LRMDA: variants seen among roughly 807,000 people sequenced by gnomAD.
LRMDA encodes leucine rich melanocyte differentiation associated.
Under a neutral mutation model 29.8 loss-of-function variants are expected in LRMDA, and 18 were observed. That is an observed-to-expected ratio of 0.60 (90% CI 0.42 to 0.90). LRMDA has a LOEUF of 0.90. Among genes scored for constraint, LRMDA ranks in the 40% least tolerant of loss-of-function variants. The pLI is 0.00. For synonymous variants in LRMDA, 125 were observed against 109.4 expected (o/e 1.14, Z -0.89); for missense variants, 273 against 273.9 (o/e 1.00, Z 0.02).
chr10:75,593,049 G>A (rs1244869245), intron 2 of LRMDA, among the ~76,000 whole-genome samples: 2 of 152,092 alleles, frequency 1.3e-5, no homozygotes, highest in Admixed American at 6.5e-5. Context: ...AAGCCGGCCA[G>A]TTGAGCACTT....
chr10:76,201,095 TTATTTATTTATTTATA>T (rs1279899778), intron 5 of LRMDA, among the ~76,000 whole-genome samples: 2,706 of 131,914 alleles, frequency 0.021, 83 homozygotes, highest in African/African-American at 0.082. Context: ...ATTTATTTAT[TTATTTATTTATTTATA>T]TTTAGACGGA....
chr10:76,348,648 T>C (rs544990661), intron 6 of LRMDA, among the ~76,000 whole-genome samples: 9 of 152,156 alleles, frequency 5.9e-5, no homozygotes, highest in African/African-American at 2.2e-4. Flanking sequence ...CAGCCACAAA[T>C]GTCTTGCCAT....
intron 5 of LRMDA, among the ~76,000 whole-genome samples, chr10:76,238,071 A>G (rs973422781): frequency 6.6e-6 from 1 of 152,108 alleles, no homozygotes; most frequent in South Asian, 2.1e-4. Flanking sequence ...GATTATAGGC[A>G]TGAGCCACGG....
At chr10:76,455,359 C>T (rs1195210553) in intron 6 of LRMDA, among the ~76,000 whole-genome samples, 1 of 152,146 alleles carries the variant, frequency 6.6e-6, no homozygotes, top group Non-Finnish European at 1.5e-5. Flanking sequence ...TCCCCAAGAC[C>T]AAAATAAGTG....
At chr10:75,576,190 C>T (rs1840504049) in intron 2 of LRMDA, among the ~76,000 whole-genome samples, 2 of 152,188 alleles carry the variant, frequency 1.3e-5, no homozygotes, top group African/African-American at 4.8e-5. Context: ...GGAGGAGGGG[C>T]ATCCACCATT....
At chr10:75,784,025 G>T (rs1843429082) in intron 2 of LRMDA, among the ~76,000 whole-genome samples, 1 of 152,218 alleles carries the variant, frequency 6.6e-6, no homozygotes, top group South Asian at 2.1e-4. Context: ...GAGGTGGAAG[G>T]AATGGGAGAG....
At chr10:75,593,696 A>G (rs1840750313) in intron 2 of LRMDA, among the ~76,000 whole-genome samples, 1 of 152,276 alleles carries the variant, frequency 6.6e-6, no homozygotes, top group Non-Finnish European at 1.5e-5. Context: ...TACAAATAAC[A>G]TGGCTTGTCC....
intron 6 of LRMDA, among the ~76,000 whole-genome samples, chr10:76,478,908 G>T (rs575089236): frequency 1.3e-5 from 2 of 148,430 alleles, no homozygotes; most frequent in Non-Finnish European, 1.5e-5. Context: ...GGGGTGTGGG[G>T]GAGGGGGGAG....
At chr10:76,052,326 T>C (rs1245686822) in intron 4 of LRMDA, among the ~76,000 whole-genome samples, 1 of 152,206 alleles carries the variant, frequency 6.6e-6, no homozygotes, top group African/African-American at 2.4e-5. Context: ...ACTTCTTGAA[T>C]AGAGTGTCAG....
At chr10:75,566,775 G>C (rs543118270) in intron 2 of LRMDA, among the ~76,000 whole-genome samples, 1 of 152,196 alleles carries the variant, frequency 6.6e-6, no homozygotes, top group Non-Finnish European at 1.5e-5. Flanking sequence ...CCAAGGTCCA[G>C]TTCCACTGTT....
intron 2 of LRMDA, among the ~76,000 whole-genome samples, chr10:75,746,139 A>G (rs1235684370): frequency 2.0e-5 from 3 of 152,226 alleles, no homozygotes; most frequent in African/African-American, 7.2e-5. Flanking sequence ...GAGCAGGAGC[A>G]GGCTTGGTAC....
At chr10:76,148,662 T>A (rs1850379114) in intron 5 of LRMDA, among the ~76,000 whole-genome samples, 1 of 152,194 alleles carries the variant, frequency 6.6e-6, no homozygotes, top group Admixed American at 6.5e-5. Context: ...TGCCTTCCCC[T>A]GCTACTGCTC....
intron 5 of LRMDA, among the ~76,000 whole-genome samples, chr10:76,079,329 T>C (rs1849013333): frequency 6.6e-6 from 1 of 152,196 alleles, no homozygotes; most frequent in African/African-American, 2.4e-5. Context: ...GGAAGAATGA[T>C]AGAGAGTTGG....
intron 2 of LRMDA, among the ~76,000 whole-genome samples, chr10:75,959,693 T>C (rs967249661): frequency 2.6e-5 from 4 of 152,164 alleles, no homozygotes; most frequent in Admixed American, 2.0e-4. Flanking sequence ...ACTGTACCTA[T>C]ATGCACACAC....
At chr10:76,297,038 G>C (rs1042205022) in intron 5 of LRMDA, among the ~76,000 whole-genome samples, 2 of 152,182 alleles carry the variant, frequency 1.3e-5, no homozygotes, top group African/African-American at 4.8e-5. Context: ...TCAGTCCAGT[G>C]CTCCTATCAC....
At chr10:75,562,282 G>C (rs1442233987) in intron 2 of LRMDA, among the ~76,000 whole-genome samples, 2 of 152,118 alleles carry the variant, frequency 1.3e-5, no homozygotes, top group Non-Finnish European at 2.9e-5. Context: ...TTACCATTAT[G>C]TAATGGCCTT....
At chr10:76,434,847 A>G (rs1030126202) in intron 6 of LRMDA, among the ~76,000 whole-genome samples, 1 of 152,180 alleles carries the variant, frequency 6.6e-6, no homozygotes, top group African/African-American at 2.4e-5. Flanking sequence ...ACTGCCACCC[A>G]ACCATTAAGT....
intron 2 of LRMDA, among the ~76,000 whole-genome samples, chr10:75,599,769 T>A (rs7072368): frequency 0.14 from 21,015 of 152,174 alleles, 4,605 homozygotes; most frequent in African/African-American, 0.46. Flanking sequence ...AGGAACCGAA[T>A]TTTAAATTTT....
chr10:76,014,076 T>A (rs1847831710), intron 2 of LRMDA, among the ~76,000 whole-genome samples: 1 of 118,380 alleles, frequency 8.4e-6, no homozygotes, highest in Non-Finnish European at 1.8e-5. Flanking sequence ...CAGCCCAATA[T>A]GGTCTGCTGT....
Sources: gnomAD v4.1 joint callset for allele counts (sites outside exome capture counted in the v4.1 genomes callset) on GRCh38, gnomAD v4.1.1 for gene constraint, MANE v1.5 for transcripts, NCBI Gene and HGNC (gene_info 2026-07-23, HGNC 2026-07-21) for gene names.